The following ATP12A variants were observed in gnomAD, a reference collection of about 807,000 sequenced individuals.
ATP12A encodes the protein potassium-transporting ATPase alpha chain 2.
A neutral mutation model predicts 111.2 loss-of-function variants in ATP12A; 81 were observed. The observed-to-expected ratio is 0.73, with a 90% CI of 0.61 to 0.88. The LOEUF is 0.88. ATP12A is among the 40% of genes least tolerant of loss of function. The pLI is 0.00. For missense variants in ATP12A, 1,196 were observed against 1,313.1 expected (o/e 0.91, Z 1.38); for synonymous variants, 498 against 499.8 (o/e 1.00, Z 0.05).
At chr13:24,704,151 C>T (rs906914625) in intron 14 of ATP12A, among the ~76,000 whole-genome samples, 5 of 152,150 alleles carry the variant, frequency 3.3e-5, no homozygotes, top group Non-Finnish European at 7.3e-5. Flanking sequence ...GCATGTGCCA[C>T]CACACCCGGC....
rs78743227 is a variant in ATP12A, at chr13:24,707,239, G to A, written c.2339-40G>A. 5,081 of 1,613,712 alleles carry A rather than the reference G, an allele frequency of 3.1e-3. 147 individuals carry two copies. The African/African-American group carries it at 0.059, about 19-fold the overall frequency. ...TCCCAAGGGCCAGGGTGGTCTGGGG[G>A]ACTAGAAGTAAGTTCTGAAGGAGAA... On this transcript the variant is annotated intron_variant, in intron 16 of 22. Transcript: ENST00000381946.
chr13:24,706,523 A>C, intron 15 of ATP12A, 60 bp downstream of exon 15: 3 of 1,583,274 alleles, frequency 1.9e-6, no homozygotes, highest in Non-Finnish European at 2.6e-6. Flanking sequence ...GGGCAAGTGC[A>C]GAGGTCTGGA....
In ATP12A at chr13:24,707,066, C is replaced by G; in HGVS notation, c.2213C>G (p.Pro738Arg). Residue 738 changes from proline (P) to arginine (R), a missense_variant, in exon 16 of 23, where the codon CCG becomes CGG. By Grantham distance (103) the Pro-to-Arg change is moderately radical. Around this residue, in one of 3 missense-constraint regions of ATP12A, gnomAD observed 1,126 missense variants for 1,228.5 expected, o/e 0.92. Coordinates refer to ENST00000381946, the MANE Select transcript of ATP12A (RefSeq NM_001676.7). ...ACCGGGGATGGAGTTAATGACTCTC[C>G]GGCTCTAAAGAAGGCAGACATTGGG... Reference protein sequence around the residue: ...AVTGDGVNDSPALKKADIGIA... With the variant: ...AVTGDGVNDSRALKKADIGIA... 1 of 1,613,284 alleles carries G rather than the reference C, an allele frequency of 6.2e-7. No homozygotes were observed. The highest frequency in any genetic ancestry group is 8.5e-7 in the Non-Finnish European group (1 of 1,179,628).
chr13:24,696,492 G>A (rs1875160108), intron 11 of ATP12A, among the ~76,000 whole-genome samples: 1 of 72,574 alleles, frequency 1.4e-5, no homozygotes, highest in Non-Finnish European at 2.9e-5. Flanking sequence ...GGATCATGAG[G>A]TCAGGAGATC....
At chr13:24,690,794 C>T (rs900249495) in intron 7 of ATP12A, 73 bp downstream of exon 7, 1 of 1,481,002 alleles carries the variant, frequency 6.8e-7, no homozygotes, top group African/African-American at 1.4e-5. Context: ...CAGGTCTGTC[C>T]TTTGCCACAC....
chr13:24,681,276 G>T (rs1644011168), intron 1 of ATP12A, among the ~76,000 whole-genome samples: 1 of 152,112 alleles, frequency 6.6e-6, no homozygotes, highest in Non-Finnish European at 1.5e-5. Context: ...CAGGAGTTGG[G>T]GGGGTAACTT....
At chr13:24,688,290 T>C in intron 3 of ATP12A, 29 bp from the exon 4 acceptor site, 3 of 1,584,692 alleles carry the variant, frequency 1.9e-6, no homozygotes, top group Non-Finnish European at 2.6e-6. Context: ...TTGTTTTGGT[T>C]GTGCATGTGC....
chr13:24,690,995 C>T lies in ATP12A; in HGVS notation c.813C>T (p.Gly271=), dbSNP rs1874872581. 1.9e-6 allele frequency: 3 copies of T among 1,614,166 alleles called. No homozygotes were observed. The African/African-American group carries it at 4.0e-5, about 22-fold the overall frequency. Reference sequence around the variant, plus strand: ...CTTCCCCTGTAGGCACTGTCACCGGCATGGTTATCAACACGGGTGACCGCA... The same window carrying T: ...CTTCCCCTGTAGGCACTGTCACCGGTATGGTTATCAACACGGGTGACCGCA... The part of the protein sequence containing the change: ...STTCLEGTVT[G]MVINTGDRTI... Residue 271 remains glycine, a synonymous_variant, in exon 8 of 23, where the codon GGC becomes GGT. Coordinates refer to ENST00000381946, the MANE Select transcript of ATP12A (RefSeq NM_001676.7).
chr13:24,709,532 G>A lies in ATP12A; in HGVS notation c.2617+45G>A, dbSNP rs200273378. The A allele has an allele frequency of 4.4e-5, 70 of 1,603,358 alleles. No homozygotes were observed. In the Middle Eastern group the frequency reaches 1.9e-3, roughly 43 times the overall value. On this transcript the variant is annotated intron_variant, in intron 18 of 22. Coordinates refer to ENST00000381946, the MANE Select transcript of ATP12A (RefSeq NM_001676.7). ...TCCCCATCACACGAGGGCCTGCCCC[G>A]AGAATTCACTGGAGTGGGGGGCACA...
At chr13:24,710,359 T>G in intron 19 of ATP12A, 101 bp from the exon 20 acceptor site, 1 of 1,425,048 alleles carries the variant, frequency 7.0e-7, no homozygotes, top group Non-Finnish European at 9.6e-7. Context: ...TCAGTCCGGG[T>G]GAGGTGTGGA....
rs1004022824 is a variant in ATP12A, at chr13:24,711,939, G to A, written c.*417G>A. 1.8e-5 allele frequency: 4 copies of A among 219,482 alleles called. No homozygotes were observed. In the Admixed American group the frequency reaches 2.1e-4, roughly 11 times the overall value. The allele number at this position is 219,482 out of a possible 1,614,324, so 13.6% of individuals were successfully genotyped here. On this transcript the variant is annotated 3_prime_UTR_variant, in exon 23 of 23. Coordinates refer to ENST00000381946, the MANE Select transcript of ATP12A (RefSeq NM_001676.7). Reference sequence around the variant, plus strand: ...CCATGACCTCCCTAAGATTTCTGCAGATCCCCTGAGAAGGTATGTTTTCAT... The same window carrying A: ...CCATGACCTCCCTAAGATTTCTGCAAATCCCCTGAGAAGGTATGTTTTCAT...
chr13:24,692,649 G>T (rs1252943772), intron 9 of ATP12A, 22 bp downstream of exon 9: 1 of 1,606,614 alleles, frequency 6.2e-7, no homozygotes, highest in Non-Finnish European at 8.5e-7. Flanking sequence ...GGAGAGCTCG[G>T]TCTGGCCAAA....
intron 14 of ATP12A, chr13:24,703,715 G>C (rs1457525091): frequency 6.6e-6 from 1 of 151,888 alleles, no homozygotes; most frequent in Non-Finnish European, 1.5e-5. Flanking sequence ...ACCCAGGCTG[G>C]AGTGCAATGG....
Position 24,680,556 on chromosome 13 carries a change from C to T in ATP12A, c.-188C>T. The T allele has an allele frequency of 1.7e-6, 1 of 572,504 alleles. No homozygotes were observed. The highest frequency in any genetic ancestry group is 2.0e-5 in the African/African-American group (1 of 50,524). 35.5% of individuals were successfully genotyped at this position (572,504 alleles called of 1,614,324 possible). On this transcript the variant is annotated 5_prime_UTR_variant, in exon 1 of 23. Transcript: ENST00000381946. ...CGGCATTTAAGGCTGGTGCCACCTC[C>T]CCGGTGCAGCGGCTGGCGATCGGCC...
rs556297436 is a variant in ATP12A at position 24,706,583 on chromosome 13, C to T, written c.2169+120C>T. On this transcript the variant is annotated intron_variant, in intron 15 of 22. Coordinates refer to ENST00000381946, the MANE Select transcript of ATP12A (RefSeq NM_001676.7). ...TGAAACTTCAAGAGAGAGTTCTTGG[C>T]TCATCCCCATCACCTGACCTCTCCA... The T allele has an allele frequency of 1.9e-3, 2,616 of 1,401,986 alleles. 6 individuals carry two copies. Among genetic ancestry groups the T allele is most frequent in the Non-Finnish European group, 2.2e-3 (2,333 of 1,051,738 alleles). The allele number at this position is 1,401,986 out of a possible 1,614,324, so 86.8% of individuals were successfully genotyped here.
intron 2 of ATP12A, among the ~76,000 whole-genome samples, chr13:24,683,697 G>A (rs929547203): frequency 2.0e-5 from 3 of 152,134 alleles, no homozygotes; most frequent in African/African-American, 7.2e-5. Flanking sequence ...TTCCTATTTT[G>A]AAAAACATAA....
chr13:24,702,693 C>A (rs2137714406), intron 14 of ATP12A, among the ~76,000 whole-genome samples: 1 of 152,330 alleles, frequency 6.6e-6, no homozygotes, highest in East Asian at 1.9e-4. Flanking sequence ...TGCGTGCCAA[C>A]TATATACCAG....
chr13:24,691,749 C>T (rs1261562336), intron 8 of ATP12A, among the ~76,000 whole-genome samples: 4 of 152,118 alleles, frequency 2.6e-5, no homozygotes, highest in Non-Finnish European at 5.9e-5. Context: ...AGAGAAGAGC[C>T]CCCTCCTCCT....
In ATP12A at chr13:24,690,693, C is replaced by T. The variant is rs142618322; in HGVS notation, c.771C>T (p.Ile257=). The T allele has an allele frequency of 3.7e-6, 6 of 1,613,836 alleles. No individual in the cohort carries two copies. The African/African-American group carries it at 8.0e-5, about 22-fold the overall frequency. ...AAAACCCCCTGGAAACAAAGAACAT[C>T]TGCTTCTATTCCACAACGTGTCTGG... ...THENPLETKN[I]CFYSTTCLEG... Residue 257 remains isoleucine (I), a synonymous_variant, in exon 7 of 23, where the codon ATC becomes ATT. Coordinates refer to ENST00000381946, the MANE Select transcript of ATP12A (RefSeq NM_001676.7).
Sources: allele counts gnomAD v4.1 joint callset (sites outside exome capture counted in the v4.1 genomes callset), GRCh38; gene constraint gnomAD v4.1.1; regional missense constraint gnomAD v4.1.1; transcripts MANE v1.5; gene names NCBI Gene and HGNC (gene_info 2026-07-23, HGNC 2026-07-21).